Variants in USP53 observed in about 807,000 individuals in gnomAD.
USP53 encodes ubiquitin specific peptidase 53, also known as ubiquitin carboxyl-terminal hydrolase 53.
A neutral mutation model predicts 94.9 loss-of-function variants in USP53; 71 were observed. The observed-to-expected ratio is 0.75, with a 90% CI of 0.62 to 0.91. The LOEUF is 0.91. Ranked by LOEUF, USP53 falls within the 40% of genes least tolerant of loss-of-function variation. The probability of loss-of-function intolerance (pLI) is 0.00; values close to 1 mark genes in which losing one functional copy is unlikely to be tolerated. For synonymous variants in USP53, 375 were observed against 422.7 expected (o/e 0.89, Z 1.39); for missense variants, 1,173 against 1,281.0 (o/e 0.92, Z 1.29).
Position 119,293,287 on chromosome 4 carries a change from G to T in USP53, c.*76G>T, listed in dbSNP as rs1471800449. Reference sequence around the variant, plus strand: ...CCTTCTGAACAAAGATATAAACCTAGCATACATTGTAATAGATAACTGGTA... The same window carrying T: ...CCTTCTGAACAAAGATATAAACCTATCATACATTGTAATAGATAACTGGTA... On this transcript the variant is annotated 3_prime_UTR_variant, in exon 19 of 19. Coordinates refer to ENST00000692078, the MANE Select transcript of USP53 (RefSeq NM_001371395.1). 1 of 1,470,452 alleles carries T rather than the reference G, an allele frequency of 6.8e-7. No homozygotes were observed. Among genetic ancestry groups the T allele is most frequent in the Non-Finnish European group, 9.0e-7 (1 of 1,110,142 alleles). 91.1% of individuals were successfully genotyped at this position (1,470,452 alleles called of 1,614,324 possible). A position where few individuals can be genotyped will look rare whatever the true frequency, so the allele number is the denominator to read the frequency against.
At chr4:119,284,770 T>C (rs1046397181) in intron 17 of USP53, among the ~76,000 whole-genome samples, 6 of 151,900 alleles carry the variant, frequency 3.9e-5, no homozygotes, top group African/African-American at 1.4e-4. Flanking sequence ...GTTATGTATA[T>C]TTTACCACAA....
At chr4:119,292,191 A>G in intron 18 of USP53, 147 bp from the exon 19 acceptor site, 3 of 872,410 alleles carry the variant, frequency 3.4e-6, no homozygotes, top group Middle Eastern at 3.7e-4. Context: ...AATGGTTGCA[A>G]ATATCTTTCC....
intron 3 of USP53, chr4:119,218,242 T>TA (rs1281328469): frequency 7.9e-5 from 12 of 152,338 alleles, no homozygotes; most frequent in African/African-American, 2.9e-4. Flanking sequence ...ATAGATAAAG[T>TA]AAGAGTTCAG....
Position 119,278,288 on chromosome 4 carries a change from C to G in USP53, c.2251+4580C>G, listed in dbSNP as rs563915105. Among the ~76,000 whole-genome samples, 8 of 151,990 alleles carry G rather than the reference C, an allele frequency of 5.3e-5. No homozygotes were observed. In the East Asian group the frequency reaches 1.6e-3, roughly 30 times the overall value. ...GCTTCCTTCAGGAGCTCTTTTAGGG[C>G]AGGCCTAGTGGTGACAAAATCGGTC... On this transcript the variant is annotated intron_variant, in intron 17 of 18. Transcript: ENST00000692078.
chr4:119,213,076 C>G (rs1409294173), intron 1 of USP53: 1 of 153,106 alleles, frequency 6.5e-6, no homozygotes, highest in East Asian at 1.9e-4. Context: ...GCCCTTTCGC[C>G]CCTTCTCGCC....
chr4:119,260,041 T>A (rs1750292005), intron 10 of USP53, 116 bp downstream of exon 10: 2 of 656,214 alleles, frequency 3.0e-6, no homozygotes, highest in Non-Finnish European at 4.6e-6. Flanking sequence ...TTAAGAATTT[T>A]TAAAAAATAT....
In USP53 at chr4:119,228,447, C is replaced by G. The variant is rs372308652; in HGVS notation, c.-664-6843C>G. 3.7e-4 allele frequency among the ~76,000 whole-genome samples: 57 copies of G among 152,236 alleles called. 1 individual carries two copies. In the South Asian group the frequency reaches 0.012, roughly 31 times the overall value. On this transcript the variant is annotated intron_variant, in intron 3 of 18. Coordinates refer to ENST00000692078, the MANE Select transcript of USP53 (RefSeq NM_001371395.1). Reference sequence around the variant, plus strand: ...TTCATGTGATTACATTAGGCCCAACCAGATAATCGCCATATTTTTAGGTCA... The same window carrying G: ...TTCATGTGATTACATTAGGCCCAACGAGATAATCGCCATATTTTTAGGTCA...
chr4:119,291,339 C>T (rs1018116288), intron 18 of USP53, 78 bp downstream of exon 18: 3 of 892,408 alleles, frequency 3.4e-6, no homozygotes, highest in East Asian at 5.5e-5. Flanking sequence ...CATATTATTA[C>T]TTTGAAAGCA....
intron 16 of USP53, 117 bp downstream of exon 16, chr4:119,272,151 TAAAGAGCTTTAAAAAG>T: frequency 9.4e-7 from 1 of 1,066,596 alleles, no homozygotes; most frequent in South Asian, 2.2e-5. Context: ...TGAGCTGTTT[TAAAGAGCTTTAAAAAG>T]TTTGTTTCTT....
chr4:119,289,412 CTTAATA>C (rs1477248279), intron 17 of USP53, among the ~76,000 whole-genome samples: 3 of 152,154 alleles, frequency 2.0e-5, no homozygotes, highest in African/African-American at 7.2e-5. Context: ...AAAGTAACAT[CTTAATA>C]TTATCATGAA....
At chr4:119,218,341 C>A (rs1237806049) in intron 3 of USP53, 2 of 152,202 alleles carry the variant, frequency 1.3e-5, no homozygotes, top group Non-Finnish European at 2.9e-5. Context: ...AAGTAGACTG[C>A]TGTAAGCCAT....
chr4:119,215,966 AC>A (rs1340767185), intron 2 of USP53, among the ~76,000 whole-genome samples: 1 of 152,206 alleles, frequency 6.6e-6, no homozygotes, highest in African/African-American at 2.4e-5. Flanking sequence ...TTTAAGAAAT[AC>A]CCTTCCTTTG....
At position 119,256,330 on chromosome 4, in the gene USP53, C is replaced by T. The variant is rs747482642; in HGVS notation, c.457C>T (p.Gln153Ter). 3 of 1,613,752 alleles carry T rather than the reference C, an allele frequency of 1.9e-6. No individual in the cohort carries two copies. Among genetic ancestry groups the T allele is most frequent in the African/African-American group, 2.7e-5 (2 of 74,872 alleles). Residue 153 changes from glutamine (Q) to a stop codon, truncating the protein, a stop_gained, in exon 8 of 19, where the codon CAG (glutamine) becomes TAG (stop). Coordinates refer to ENST00000692078, the MANE Select transcript of USP53 (RefSeq NM_001371395.1). LOFTEE classifies it high-confidence loss of function. ...MCTSKSCITH[Q>*]KFAMTLYEQC... ...TACCTCTAAATCTTGTATCACTCAC[C>T]AGAAGTTTGCTATGACTCTGTATGA...
rs539982222 is a variant in USP53 at position 119,223,801 on chromosome 4, G to A, written c.-665+6128G>A. ...TCTACTACTTACAGTCTCTAAAAAC[G>A]AGTCCATTACTAAACTTCTCCTGAC... On this transcript the variant is annotated intron_variant, in intron 3 of 18. Coordinates refer to ENST00000692078, the MANE Select transcript of USP53 (RefSeq NM_001371395.1). Among the ~76,000 whole-genome samples, 42 of 152,212 alleles carry A rather than the reference G, an allele frequency of 2.8e-4. 1 individual carries two copies. The South Asian group carries it at 6.2e-3, about 23-fold the overall frequency.
intron 4 of USP53, among the ~76,000 whole-genome samples, chr4:119,237,117 T>G (rs1746866861): frequency 6.6e-6 from 1 of 152,224 alleles, no homozygotes; most frequent in Non-Finnish European, 1.5e-5. Context: ...AGGGGCATTG[T>G]CAATAAACAG....
Position 119,255,545 on chromosome 4 carries a change from C to T in USP53, c.373-701C>T, listed in dbSNP as rs188703870. 5.3e-5 allele frequency among the ~76,000 whole-genome samples: 8 copies of T among 152,328 alleles called. No homozygotes were observed. In the East Asian group the frequency reaches 1.5e-3, roughly 29 times the overall value. Reference sequence around the variant, plus strand: ...TGAGCAAGGCTCCGTGGGTGTCGGACCCGCTGAGCCAGGCACGGGAGGGGA... The same window carrying T: ...TGAGCAAGGCTCCGTGGGTGTCGGATCCGCTGAGCCAGGCACGGGAGGGGA... On this transcript the variant is annotated intron_variant, in intron 7 of 18. Transcript: ENST00000692078.
At chr4:119,225,912 G>T (rs1431529872) in intron 3 of USP53, among the ~76,000 whole-genome samples, 1 of 152,096 alleles carries the variant, frequency 6.6e-6, no homozygotes, top group Admixed American at 6.5e-5. Context: ...TTGATAAATT[G>T]GCATCATCGA....
At chr4:119,290,648 C>T (rs893950893) in intron 17 of USP53, among the ~76,000 whole-genome samples, 2 of 152,102 alleles carry the variant, frequency 1.3e-5, no homozygotes, top group African/African-American at 2.4e-5. Context: ...ATAATAACCT[C>T]CTACCAATTT....
chr4:119,232,487 T>G (rs11930671), intron 3 of USP53, among the ~76,000 whole-genome samples: 2,287 of 152,330 alleles, frequency 0.015, 71 homozygotes, highest in African/African-American at 0.052. Context: ...TATGGCTGAA[T>G]AGTATTCCAC....
Sources: allele counts gnomAD v4.1 joint callset (sites outside exome capture counted in the v4.1 genomes callset), GRCh38; gene constraint gnomAD v4.1.1; transcripts MANE v1.5; gene names NCBI Gene and HGNC (gene_info 2026-07-23, HGNC 2026-07-21).